The following ENDOU variants were observed in gnomAD, a reference collection of about 807,000 sequenced individuals.
ENDOU encodes the protein uridylate-specific endoribonuclease.
In ENDOU, 49 loss-of-function variants were observed where a neutral mutation model predicts 54.2. That is an observed-to-expected ratio of 0.90 (90% confidence interval 0.72 to 1.15). ENDOU has a LOEUF of 1.15. ENDOU is among the 50% of genes most tolerant of loss of function. ENDOU has a pLI of 0.00. For synonymous variants in ENDOU, 172 were observed against 190.5 expected (o/e 0.90, Z 0.80); for missense variants, 458 against 511.4 (o/e 0.90, Z 1.01).
intron 8 of ENDOU, 77 bp downstream of exon 8, chr12:47,712,439 C>T: frequency 1.8e-6 from 2 of 1,134,202 alleles, no homozygotes; most frequent in Admixed American, 3.9e-5. Context: ...GGCTGAGAGG[C>T]AAGTCGACAG....
chr12:47,716,514 G>A lies in ENDOU; in HGVS notation c.552-15C>T, dbSNP rs1361794400. On this transcript the variant is annotated splice_polypyrimidine_tract_variant and intron_variant, in intron 5 of 9. Transcript: ENST00000422538. ...AAGTGAAGAGTCTGGGGGAGGCAGA[G>A]GGGAGCCCCACTGAGAGCCCCAAAC... The A allele has an allele frequency of 1.9e-6, 3 of 1,612,034 alleles. No individual in the cohort carries two copies. Among genetic ancestry groups the A allele is most frequent in the Non-Finnish European group, 1.7e-6 (2 of 1,179,446 alleles).
chr12:47,722,831 G>A (rs920097326), intron 1 of ENDOU, among the ~76,000 whole-genome samples: 2 of 152,186 alleles, frequency 1.3e-5, no homozygotes, highest in East Asian at 1.9e-4. Context: ...TCCAAGGTGG[G>A]CAGGAAGGCA....
intron 7 of ENDOU, 148 bp downstream of exon 7, chr12:47,713,127 T>A: frequency 2.9e-5 from 17 of 590,942 alleles, no homozygotes; most frequent in Non-Finnish European, 3.3e-5. Flanking sequence ...CCCGCCCCCC[T>A]GCCATATGGG....
chr12:47,725,438 G>A lies in ENDOU; in HGVS notation c.-25C>T. ...TGGTGCCCAGTTGGAGGCCAAAAAG[G>A]GAGTGGCTGTTGGACTTTCACTAGA... On this transcript the variant is annotated 5_prime_UTR_variant, in exon 1 of 10. Transcript: ENST00000422538. 1 of 1,613,326 alleles carries A rather than the reference G, an allele frequency of 6.2e-7. No individual in the cohort carries two copies. The highest frequency in any genetic ancestry group is 8.5e-7 in the Non-Finnish European group (1 of 1,179,398).
chr12:47,717,109 C>A (rs370720358), intron 4 of ENDOU, 51 bp from the exon 5 acceptor site: 2 of 1,558,400 alleles, frequency 1.3e-6, no homozygotes, highest in African/African-American at 1.4e-5. Context: ...GAAAGGGGGG[C>A]GGGCAGGAAA....
intron 6 of ENDOU, among the ~76,000 whole-genome samples, chr12:47,715,530 C>T (rs183236036): frequency 1.9e-3 from 283 of 152,318 alleles, no homozygotes; most frequent in Non-Finnish European, 3.1e-3. Flanking sequence ...ACTCTTGTGT[C>T]GCTGTCACTT....
Position 47,717,553 on chromosome 12 carries a change from C to A in ENDOU, c.347G>T (p.Cys116Phe). 6.2e-7 allele frequency: 1 copy of A among 1,614,228 alleles called. No homozygotes were observed. Among genetic ancestry groups the A allele is most frequent in the East Asian group, 2.2e-5 (1 of 44,880 alleles). ...CNARCQEFGN[C>F]CKDFESLCSD... ...ACACAGGCTCTCAAAATCCTTGCAGCAGTTCCCAAACTCTTGGCAGCGGGC... is the reference window on the plus strand; with the variant it reads ...ACACAGGCTCTCAAAATCCTTGCAGAAGTTCCCAAACTCTTGGCAGCGGGC... The change falls in exon 4 of 10, where the codon TGC becomes TTC. Residue 116 changes from cysteine to phenylalanine, a missense_variant. Coordinates refer to ENST00000422538, the MANE Select transcript of ENDOU (RefSeq NM_001172439.2).
chr12:47,709,943 A>T lies in ENDOU; in HGVS notation c.*859T>A, dbSNP rs1043167467. On this transcript the variant is annotated 3_prime_UTR_variant, in exon 10 of 10. Transcript: ENST00000422538. ...AAGGCTTAAAATAATTATGTTAATG[A>T]CACCAAGCTATGGGTTCCTTCTTCT... 6.6e-6 allele frequency: 1 copy of T among 152,204 alleles called. No homozygotes were observed. Among genetic ancestry groups the T allele is most frequent in the Non-Finnish European group, 1.5e-5 (1 of 68,046 alleles). 9.4% of individuals were successfully genotyped at this position (152,204 alleles called of 1,614,324 possible).
intron 6 of ENDOU, among the ~76,000 whole-genome samples, chr12:47,715,228 C>T (rs1018849516): frequency 6.6e-6 from 1 of 152,124 alleles, no homozygotes; most frequent in Non-Finnish European, 1.5e-5. Context: ...TTCACAAATG[C>T]GGTGGGATAT....
In ENDOU at chr12:47,716,522, C is replaced by T. The variant is rs1940240602; in HGVS notation, c.552-23G>A. 3 of 1,609,380 alleles carry T rather than the reference C, an allele frequency of 1.9e-6. No individual in the cohort carries two copies. The Admixed American group carries it at 5.0e-5, about 27-fold the overall frequency. ...AGTCTGGGGGAGGCAGAGGGGAGCC[C>T]CACTGAGAGCCCCAAACACAGGGCA... On this transcript the variant is annotated intron_variant, in intron 5 of 9. Transcript: ENST00000422538.
At chr12:47,720,111 G>A (rs1304963061) in intron 2 of ENDOU, 2 of 152,294 alleles carry the variant, frequency 1.3e-5, no homozygotes, top group Non-Finnish European at 2.9e-5. Flanking sequence ...AAGGCTTTGT[G>A]TCACAAAGCA....
At position 47,718,153 on chromosome 12, in the gene ENDOU, C is replaced by T. The variant is rs1173214647; in HGVS notation, c.220G>A (p.Glu74Lys). The T allele has an allele frequency of 6.3e-7, 1 of 1,581,386 alleles. No individual in the cohort carries two copies. Among genetic ancestry groups the T allele is most frequent in the South Asian group, 1.2e-5 (1 of 86,464 alleles). The change falls in exon 3 of 10, where the codon GAG becomes AAG. Residue 74 changes from glutamate (E) to lysine (K), a missense_variant. By Grantham distance (56) the Glu-to-Lys change is moderately conservative (BLOSUM62 1). Coordinates refer to ENST00000422538, the MANE Select transcript of ENDOU (RefSeq NM_001172439.2). ...CTGCTGGCGAGGGCCTCTTCTGTCTCTTCCTCCAGCTGTGGCAATGGCTCT... is the reference window on the plus strand; with the variant it reads ...CTGCTGGCGAGGGCCTCTTCTGTCTTTTCCTCCAGCTGTGGCAATGGCTCT... ...ESEPLPQLEE[E>K]TEEALASNLY...
chr12:47,711,817 C>T, intron 8 of ENDOU, 42 bp from the exon 9 acceptor site: 1 of 1,611,576 alleles, frequency 6.2e-7, no homozygotes, highest in Middle Eastern at 1.7e-4. Flanking sequence ...GTGAGTGCCA[C>T]AGAGTGGAGT....
chr12:47,718,321 G>A, intron 2 of ENDOU, 127 bp from the exon 3 acceptor site: 1 of 731,264 alleles, frequency 1.4e-6, no homozygotes, highest in Admixed American at 2.3e-5. Flanking sequence ...CTGAACAGGG[G>A]CTGGGGTCCA....
intron 7 of ENDOU, 87 bp from the exon 8 acceptor site, chr12:47,712,709 C>T (rs1940075416): frequency 4.3e-6 from 4 of 935,540 alleles, no homozygotes; most frequent in Admixed American, 4.2e-5. Flanking sequence ...GCCAAGGCTT[C>T]CCCCTTCTCC....
intron 5 of ENDOU, 72 bp from the exon 6 acceptor site, chr12:47,716,571 A>T: frequency 1.4e-6 from 2 of 1,447,372 alleles, no homozygotes; most frequent in South Asian, 2.4e-5. Context: ...AGACTTCTAG[A>T]CAGGCCAGGG....
At chr12:47,714,161 A>G (rs929812093) in intron 6 of ENDOU, among the ~76,000 whole-genome samples, 4 of 152,240 alleles carry the variant, frequency 2.6e-5, no homozygotes, top group African/African-American at 9.6e-5. Context: ...GCTTGGTACT[A>G]ATTATCCCCA....
chr12:47,718,356 A>C (rs897492006), intron 2 of ENDOU, among the ~76,000 whole-genome samples, 162 bp from the exon 3 acceptor site: 3 of 152,234 alleles, frequency 2.0e-5, no homozygotes, highest in Non-Finnish European at 4.4e-5. Flanking sequence ...AATAATGATG[A>C]TGAAAACAGA....
Position 47,725,349 on chromosome 12 carries a change from A to G in ENDOU, c.55+10T>C, listed in dbSNP as rs1940551957. 1 of 1,613,932 alleles carries G rather than the reference A, an allele frequency of 6.2e-7. No homozygotes were observed. The highest frequency in any genetic ancestry group is 1.3e-5 in the African/African-American group (1 of 74,906). On this transcript the variant is annotated intron_variant, in intron 1 of 9. Coordinates refer to ENST00000422538, the MANE Select transcript of ENDOU (RefSeq NM_001172439.2). ...ACCAGCAATCCCATGCCCGCCAGATAGTGACTTACCAGCCCAGGCCAGGCC... is the reference window on the plus strand; with the variant it reads ...ACCAGCAATCCCATGCCCGCCAGATGGTGACTTACCAGCCCAGGCCAGGCC...
Sources: allele counts gnomAD v4.1 joint callset (sites outside exome capture counted in the v4.1 genomes callset), GRCh38; gene constraint gnomAD v4.1.1; transcripts MANE v1.5; gene names NCBI Gene and HGNC (gene_info 2026-07-23, HGNC 2026-07-21).